Variants in TMCO5A observed in about 807,000 individuals in gnomAD.
The protein encoded by TMCO5A is transmembrane and coiled-coil domains 5A.
TMCO5A carries 34 observed loss-of-function variants against 42.3 expected under a neutral mutation model. That is an observed-to-expected ratio of 0.80 (90% CI 0.61 to 1.07). The LOEUF is 1.07. Ranked by LOEUF, TMCO5A falls within the 50% of genes least tolerant of loss-of-function variation. The pLI is 0.00. For missense variants in TMCO5A, 357 were observed against 327.9 expected, an observed-to-expected ratio of 1.09 and a Z score of -0.69; for synonymous variants, 131 against 115.6, an observed-to-expected ratio of 1.13 and a Z score of -0.86.
chr15:38,002,664 G>T, the TMCO5A span, among the ~76,000 whole-genome samples: 1 of 151,896 alleles, frequency 6.6e-6, no homozygotes, highest in Admixed American at 6.6e-5. Context: ...TATGTCAATT[G>T]TATTTTTCAG....
chr15:37,957,452 CAA>C lies in TMCO5A; in HGVS notation c.669-9171_669-9170del, dbSNP rs1167823322. On this transcript the variant is annotated intron_variant, in intron 11 of 11. Transcript: ENST00000559502. ...AGCATTCCTGTACACCAATAATAGACAAAGAGAGCCAAATCATGAGTGAACTC... is the reference window on the plus strand; with the variant it reads ...AGCATTCCTGTACACCAATAATAGACAGAGAGCCAAATCATGAGTGAACTC... 7.9e-4 allele frequency among the ~76,000 whole-genome samples: 10 copies of C among 12,670 alleles called. No homozygotes were observed. The Admixed American group carries it at 0.018, about 23-fold the overall frequency. 8.3% of individuals were successfully genotyped at this position (12,670 alleles called of 152,430 possible).
intron 11 of TMCO5A, among the ~76,000 whole-genome samples, chr15:37,960,711 A>C (rs1398988530): frequency 6.6e-6 from 1 of 151,518 alleles, no homozygotes; most frequent in Non-Finnish European, 1.5e-5. Context: ...TGATTTTTTG[A>C]TTATGGCCAT....
At chr15:37,995,280 C>A in the TMCO5A span, among the ~76,000 whole-genome samples, 8 of 152,338 alleles carry the variant, frequency 5.3e-5, no homozygotes, top group East Asian at 1.5e-3. Flanking sequence ...CCCAATCATG[C>A]TCTTAAGACT....
chr15:38,013,413 G>A, the TMCO5A span, among the ~76,000 whole-genome samples: 1 of 152,088 alleles, frequency 6.6e-6, no homozygotes, highest in Admixed American at 6.5e-5. Flanking sequence ...GTGCCAAGAG[G>A]TAAAGAAGAA....
the TMCO5A span, among the ~76,000 whole-genome samples, chr15:37,980,681 T>C: frequency 6.9e-6 from 1 of 144,442 alleles, no homozygotes; most frequent in African/African-American, 2.5e-5. Context: ...TCTTTCTTTC[T>C]ACACTGAATG....
At chr15:38,032,453 G>A in the TMCO5A span, among the ~76,000 whole-genome samples, 1 of 152,076 alleles carries the variant, frequency 6.6e-6, no homozygotes. Flanking sequence ...CTACGTAAAG[G>A]GGCAAAACAG....
the TMCO5A span, among the ~76,000 whole-genome samples, chr15:38,010,383 CAA>C: frequency 3.2e-4 from 13 of 40,316 alleles, no homozygotes; most frequent in South Asian, 2.6e-3. Context: ...ACTCCGTCTC[CAA>C]AAAAAAAAAA....
intron 9 of TMCO5A, 37 bp downstream of exon 9, chr15:37,942,292 A>T: frequency 6.3e-7 from 1 of 1,598,646 alleles, no homozygotes; most frequent in Non-Finnish European, 8.6e-7. Context: ...GTTTTGGTAG[A>T]AACTCCATCT....
At chr15:37,970,494 G>A (rs961215681), downstream of TMCO5A, among the ~76,000 whole-genome samples, 14 of 152,088 alleles carry the variant, frequency 9.2e-5, no homozygotes, top group African/African-American at 1.9e-4. Context: ...CCTCTGGCCC[G>A]TCCCAAATCT....
chr15:37,943,468 T>C (rs1889825969), intron 10 of TMCO5A, 70 bp downstream of exon 10: 2 of 1,499,732 alleles, frequency 1.3e-6, no homozygotes, highest in East Asian at 4.6e-5. Context: ...CAGCAAACTA[T>C]AAGGCACCAA....
At chr15:37,996,628 T>C in the TMCO5A span, among the ~76,000 whole-genome samples, 1 of 152,158 alleles carries the variant, frequency 6.6e-6, no homozygotes, top group Admixed American at 6.5e-5. Flanking sequence ...AAACAAATAA[T>C]TTTTAAAAGC....
chr15:37,938,749 T>C (rs1889623252), intron 6 of TMCO5A, among the ~76,000 whole-genome samples: 1 of 152,080 alleles, frequency 6.6e-6, no homozygotes, highest in South Asian at 2.1e-4. Context: ...TACCCTGTCC[T>C]GGATTCCAAT....
chr15:37,967,279 T>A (rs1194843302), exon 12 of TMCO5A: 1 of 152,210 alleles, frequency 6.6e-6, no homozygotes, highest in Non-Finnish European at 1.5e-5. Flanking sequence ...CTACATTATT[T>A]TCCAGTACAA....
At chr15:37,975,230 G>C in the TMCO5A span, among the ~76,000 whole-genome samples, 1 of 152,178 alleles carries the variant, frequency 6.6e-6, no homozygotes, top group Admixed American at 6.5e-5. Flanking sequence ...TTTGGATAGA[G>C]AGTTCTGTTA....
the TMCO5A span, chr15:38,040,775 G>A: frequency 6.6e-6 from 1 of 152,184 alleles, no homozygotes; most frequent in African/African-American, 2.4e-5. Context: ...AGTAGAACAG[G>A]GATTGCCAAG....
At chr15:37,987,868 A>T in the TMCO5A span, among the ~76,000 whole-genome samples, 16 of 152,068 alleles carry the variant, frequency 1.1e-4, no homozygotes, top group Admixed American at 5.9e-4. Flanking sequence ...TGTAAATTTT[A>T]GGATAAACTT....
At chr15:37,961,946 T>A (rs1380772598) in intron 11 of TMCO5A, among the ~76,000 whole-genome samples, 1 of 152,022 alleles carries the variant, frequency 6.6e-6, no homozygotes, top group Non-Finnish European at 1.5e-5. Context: ...TGGAGGAGTC[T>A]TTAGGGTTTT....
the TMCO5A span, among the ~76,000 whole-genome samples, chr15:37,978,646 C>T: frequency 6.6e-6 from 1 of 152,178 alleles, no homozygotes; most frequent in Non-Finnish European, 1.5e-5. Context: ...TCTGGGATTT[C>T]CTTTCCAGGG....
At chr15:37,974,537 G>A in the TMCO5A span, among the ~76,000 whole-genome samples, 10 of 152,044 alleles carry the variant, frequency 6.6e-5, no homozygotes, top group Non-Finnish European at 1.3e-4. Context: ...TCTAGTTTTT[G>A]TGCTTAAAGG....
Sources: gnomAD v4.1 joint callset for allele counts (sites outside exome capture counted in the v4.1 genomes callset) on GRCh38, gnomAD v4.1.1 for gene constraint, MANE v1.5 for transcripts, NCBI Gene and HGNC (gene_info 2026-07-23, HGNC 2026-07-21) for gene names.